GRIA1: variants seen among roughly 807,000 people sequenced by gnomAD.
GRIA1 encodes the protein glutamate receptor 1.
Under a neutral mutation model 99.2 loss-of-function variants are expected in GRIA1, and 31 were observed. The observed-to-expected ratio is 0.31, with a 90% CI of 0.23 to 0.42. The LOEUF is 0.42. GRIA1 is among the 10% of genes least tolerant of loss of function. GRIA1 has a pLI of 1.00. For missense variants in GRIA1, 782 were observed against 1,157.5 expected (o/e 0.68, Z 4.71); for synonymous variants, 438 against 432.4 (o/e 1.01, Z -0.16).
intron 15 of GRIA1, among the ~76,000 whole-genome samples, chr5:153,806,150 CA>C (rs1766410491): frequency 6.6e-6 from 1 of 152,222 alleles, no homozygotes; most frequent in African/African-American, 2.4e-5. Context: ...GTGCAGCCCC[CA>C]ACCTTACAGA....
At chr5:153,520,593 T>A (rs1484385796) in intron 2 of GRIA1, among the ~76,000 whole-genome samples, 1 of 152,118 alleles carries the variant, frequency 6.6e-6, no homozygotes, top group African/African-American at 2.4e-5. Context: ...GGAAGATGTA[T>A]ACAAGCAATG....
intron 2 of GRIA1, among the ~76,000 whole-genome samples, chr5:153,592,518 A>G (rs1764061457): frequency 6.6e-6 from 1 of 152,188 alleles, no homozygotes; most frequent in Non-Finnish European, 1.5e-5. Context: ...GGACATTTTT[A>G]ATTTATTTTT....
intron 2 of GRIA1, among the ~76,000 whole-genome samples, chr5:153,581,262 A>T (rs892742689): frequency 2.6e-5 from 4 of 152,232 alleles, no homozygotes; most frequent in Non-Finnish European, 5.9e-5. Context: ...CTCCTCTCTT[A>T]AAATGTAAAT....
intron 2 of GRIA1, among the ~76,000 whole-genome samples, chr5:153,577,157 GA>G (rs1231490407): frequency 0.056 from 246 of 4,364 alleles, 8 homozygotes; most frequent in Non-Finnish European, 0.17. Context: ...TGGATGGTTG[GA>G]TGGATGGATG....
intron 11 of GRIA1, among the ~76,000 whole-genome samples, chr5:153,723,149 G>C (rs1387089495): frequency 6.6e-6 from 1 of 152,188 alleles, no homozygotes; most frequent in Non-Finnish European, 1.5e-5. Flanking sequence ...AAAGGAATTT[G>C]CCTTGCATTC....
intron 8 of GRIA1, among the ~76,000 whole-genome samples, chr5:153,691,781 A>G (rs895479476): frequency 2.6e-5 from 4 of 152,152 alleles, no homozygotes; most frequent in Non-Finnish European, 4.4e-5. Flanking sequence ...GCCATCTTCC[A>G]CACACCACAC....
At chr5:153,797,336 A>G (rs941871590) in intron 14 of GRIA1, among the ~76,000 whole-genome samples, 2 of 152,226 alleles carry the variant, frequency 1.3e-5, no homozygotes, top group Non-Finnish European at 2.9e-5. Flanking sequence ...CTGAATGTCA[A>G]AACACCCTGG....
At chr5:153,796,513 G>T (rs2963999) in intron 14 of GRIA1, among the ~76,000 whole-genome samples, 91,630 of 152,024 alleles carry the variant, frequency 0.6, 28,545 homozygotes, top group East Asian at 0.94. Context: ...TTCTTAAAAA[G>T]CGAGAGGAGC....
intron 2 of GRIA1, among the ~76,000 whole-genome samples, chr5:153,606,347 CT>C (rs958746512): frequency 1.4e-4 from 21 of 152,162 alleles, no homozygotes; most frequent in African/African-American, 4.6e-4. Context: ...GAACAGGAAG[CT>C]TTTCCCCTTT....
chr5:153,703,967 C>A (rs917759260), intron 10 of GRIA1, among the ~76,000 whole-genome samples: 1 of 152,200 alleles, frequency 6.6e-6, no homozygotes, highest in African/African-American at 2.4e-5. Flanking sequence ...AATACCTTCT[C>A]CCCTGTACTG....
At chr5:153,744,054 A>G (rs1045126358) in intron 11 of GRIA1, among the ~76,000 whole-genome samples, 1 of 152,088 alleles carries the variant, frequency 6.6e-6, no homozygotes, top group Admixed American at 6.5e-5. Context: ...GAGGGTGAGG[A>G]TGAAGTTGAA....
chr5:153,621,907 A>G (rs540881693), intron 2 of GRIA1, among the ~76,000 whole-genome samples: 1 of 152,106 alleles, frequency 6.6e-6, no homozygotes, highest in Admixed American at 6.6e-5. Flanking sequence ...TTTATGCATA[A>G]ATTTTCTTGA....
At chr5:153,520,764 C>T (rs1581167617) in intron 2 of GRIA1, among the ~76,000 whole-genome samples, 1 of 152,126 alleles carries the variant, frequency 6.6e-6, no homozygotes, top group East Asian at 1.9e-4. Context: ...ACCTGATTCA[C>T]AGGGAACCTC....
chr5:153,603,704 G>A (rs1373092553), intron 2 of GRIA1, among the ~76,000 whole-genome samples: 1 of 152,188 alleles, frequency 6.6e-6, no homozygotes, highest in Non-Finnish European at 1.5e-5. Flanking sequence ...CCTCACCAAT[G>A]TGGTGTCATG....
At chr5:153,553,052 A>G (rs1760297206) in intron 2 of GRIA1, among the ~76,000 whole-genome samples, 3 of 152,226 alleles carry the variant, frequency 2.0e-5, no homozygotes, top group Admixed American at 2.0e-4. Context: ...GGCATGAGTC[A>G]CTGCATCTAG....
At chr5:153,605,756 A>G (rs904679378) in intron 2 of GRIA1, among the ~76,000 whole-genome samples, 1 of 152,150 alleles carries the variant, frequency 6.6e-6, no homozygotes, top group South Asian at 2.1e-4. Flanking sequence ...ACTTCATTTC[A>G]TGTGCTTATT....
chr5:153,555,857 A>G (rs1760592276), intron 2 of GRIA1, among the ~76,000 whole-genome samples: 1 of 152,242 alleles, frequency 6.6e-6, no homozygotes, highest in Admixed American at 6.5e-5. Flanking sequence ...TTGTCCTGAC[A>G]GCTAAAGAGC....
At chr5:153,676,015 C>T (rs7715304) in intron 6 of GRIA1, among the ~76,000 whole-genome samples, 58,502 of 151,652 alleles carry the variant, frequency 0.39, 11,481 homozygotes, top group South Asian at 0.44. Flanking sequence ...CGCCACCACG[C>T]CTGGCTAATT....
At chr5:153,771,695 A>G (rs1477414221) in intron 13 of GRIA1, among the ~76,000 whole-genome samples, 1 of 152,264 alleles carries the variant, frequency 6.6e-6, no homozygotes, top group East Asian at 1.9e-4. Flanking sequence ...ATAAGATATA[A>G]CAAATAGCCT....
Sources: gnomAD v4.1 joint callset for allele counts (sites outside exome capture counted in the v4.1 genomes callset) on GRCh38, gnomAD v4.1.1 for gene constraint, MANE v1.5 for transcripts, NCBI Gene and HGNC (gene_info 2026-07-23, HGNC 2026-07-21) for gene names.